PAIP1: variants seen among roughly 807,000 people sequenced by gnomAD.
PAIP1 encodes the protein polyadenylate-binding protein-interacting protein 1.
A neutral mutation model predicts 61.3 loss-of-function variants in PAIP1; 16 were observed. That is an observed-to-expected ratio of 0.26 (90% CI 0.18 to 0.40). PAIP1 has a LOEUF of 0.40. Ranked by LOEUF, PAIP1 falls within the 10% of genes least tolerant of loss-of-function variation. PAIP1 has a pLI of 1.00. For missense variants in PAIP1, 416 were observed against 600.9 expected, an observed-to-expected ratio of 0.69 and a Z score of 3.22; for synonymous variants, 187 against 226.2, an observed-to-expected ratio of 0.83 and a Z score of 1.56.
intron 4 of PAIP1, among the ~76,000 whole-genome samples, chr5:43,539,789 A>C (rs998570220): frequency 3.3e-5 from 5 of 152,222 alleles, no homozygotes; most frequent in African/African-American, 1.2e-4. Context: ...TAGGCACAAT[A>C]ATCCTGTCAC....
At position 43,548,395 on chromosome 5, in the gene PAIP1, GA is replaced by G. The variant is rs57478431; in HGVS notation, c.436-483del. On this transcript the variant is annotated intron_variant, in intron 2 of 10. Transcript: ENST00000306846. The stretch of plus-strand genomic sequence containing the variant: ...AAATGTTGACAACTTTTTTATTGGG[GA>G]AAAAAAAAACAAAAACAAAAACCTA... Among the ~76,000 whole-genome samples, 28 of 148,470 alleles carry G rather than the reference GA, an allele frequency of 1.9e-4. No individual in the cohort carries two copies. The South Asian group carries it at 4.7e-3, about 25-fold the overall frequency.
At chr5:43,537,674 G>C (rs76033796) in intron 5 of PAIP1, among the ~76,000 whole-genome samples, 2,198 of 152,120 alleles carry the variant, frequency 0.014, 33 homozygotes, top group Non-Finnish European at 0.025. Context: ...GAAGGTATAA[G>C]CTTATATCTG....
Position 43,547,882 on chromosome 5 carries a change from G to A in PAIP1, c.467C>T (p.Pro156Leu). 6.2e-7 allele frequency: 1 copy of A among 1,611,322 alleles called. No homozygotes were observed. The highest frequency in any genetic ancestry group is 8.5e-7 in the Non-Finnish European group (1 of 1,178,382). ...ESYEDGCEDY[P>L]TLSEYVQDFL... ...ATCCTGAACATATTCTGATAGAGTA[G>A]GATAATCCTCACAACCATCCTCATA... is the stretch of plus-strand genomic sequence containing the variant. Residue 156 changes from proline to leucine, a missense_variant, in exon 3 of 11, where the codon CCT becomes CTT. This residue lies in a region of PAIP1 where 180 missense variants were observed against 211.2 expected (regional missense o/e 0.85). Coordinates refer to ENST00000306846, the MANE Select transcript of PAIP1 (RefSeq NM_006451.5).
chr5:43,555,121 T>A (rs1267457595), intron 2 of PAIP1, among the ~76,000 whole-genome samples: 1 of 152,196 alleles, frequency 6.6e-6, no homozygotes, highest in Non-Finnish European at 1.5e-5. Context: ...CAAGAACAAC[T>A]GGAAGGAGAC....
In PAIP1 at chr5:43,534,968, T is replaced by C. The variant is rs1579909644; in HGVS notation, c.1082A>G (p.Asp361Gly). ...AAGCTTCAAGAGCATCTGTTTTACA[T>C]CTCTGTAGACAAAGTTGAAAATGAG... is the stretch of plus-strand genomic sequence containing the variant. ...NVVLDANCSR[D>G]VKQMLLKLVE... Residue 361 changes from aspartate to glycine, a missense_variant and splice_region_variant, in exon 8 of 11, where the codon GAT becomes GGT. By Grantham distance (94) the Asp-to-Gly change is moderately conservative (BLOSUM62 -1). This residue lies in a region of PAIP1 where 135 missense variants were observed against 283.9 expected (regional missense o/e 0.48). Transcript: ENST00000306846. 8.4e-6 allele frequency: 13 copies of C among 1,556,556 alleles called. No homozygotes were observed. Among genetic ancestry groups the C allele is most frequent in the Non-Finnish European group, 1.2e-5 (13 of 1,127,528 alleles).
intron 6 of PAIP1, 112 bp downstream of exon 6, chr5:43,536,707 A>G: frequency 2.0e-6 from 1 of 504,980 alleles, no homozygotes; most frequent in South Asian, 4.6e-5. Context: ...TAAAATGTCA[A>G]TATTTACCTT....
At chr5:43,553,374 G>A (rs1747938557) in intron 2 of PAIP1, among the ~76,000 whole-genome samples, 1 of 152,146 alleles carries the variant, frequency 6.6e-6, no homozygotes, top group Non-Finnish European at 1.5e-5. Context: ...CCAGGAAATA[G>A]ATTTTCATGT....
chr5:43,548,476 G>C (rs151068171), intron 2 of PAIP1, among the ~76,000 whole-genome samples: 1 of 152,068 alleles, frequency 6.6e-6, no homozygotes. Context: ...AAAGCTGCTC[G>C]AGTAACTAAA....
intron 7 of PAIP1, 129 bp downstream of exon 7, chr5:43,535,402 AAAG>A (rs977052763): frequency 3.1e-6 from 2 of 646,046 alleles, no homozygotes; most frequent in African/African-American, 3.8e-5. Flanking sequence ...TTATTCCTTT[AAAG>A]AAAAGCATTT....
At chr5:43,549,664 C>T (rs1747787388) in intron 2 of PAIP1, among the ~76,000 whole-genome samples, 1 of 152,096 alleles carries the variant, frequency 6.6e-6, no homozygotes, top group Admixed American at 6.5e-5. Context: ...ATAGTGCTAC[C>T]ACTTCAAATA....
intron 2 of PAIP1, among the ~76,000 whole-genome samples, chr5:43,553,237 G>A (rs1747931754): frequency 6.6e-6 from 1 of 152,176 alleles, no homozygotes; most frequent in African/African-American, 2.4e-5. Flanking sequence ...CTGGTAAGAA[G>A]ACATGGAAAG....
chr5:43,537,767 G>A (rs1747211087), intron 5 of PAIP1, among the ~76,000 whole-genome samples: 1 of 152,000 alleles, frequency 6.6e-6, no homozygotes, highest in African/African-American at 2.4e-5. Context: ...AGGCTGAGGC[G>A]GGTAGCACCT....
intron 2 of PAIP1, 71 bp from the exon 3 acceptor site, chr5:43,547,984 T>C: frequency 1.1e-6 from 1 of 893,946 alleles, no homozygotes; most frequent in African/African-American, 1.7e-5. Flanking sequence ...GGTATGTCTC[T>C]AGCACAAATG....
Position 43,547,860 on chromosome 5 carries a change from C to T in PAIP1, c.489G>A (p.Gln163=), listed in dbSNP as rs1747705864. ...GCTCTGTAAGATGATTCAAAAAATC[C>T]TGAACATATTCTGATAGAGTAGGAT... ...EDYPTLSEYV[Q]DFLNHLTEQP... Residue 163 remains glutamine, a synonymous_variant, in exon 3 of 11, where the codon CAG becomes CAA. Transcript: ENST00000306846. 6.2e-7 allele frequency: 1 copy of T among 1,612,506 alleles called. No individual in the cohort carries two copies.
At chr5:43,535,015 C>A in intron 7 of PAIP1, 45 bp from the exon 8 acceptor site, 1 of 975,868 alleles carries the variant, frequency 1.0e-6, no homozygotes, top group Non-Finnish European at 1.6e-6. Context: ...ACCATAAGGG[C>A]TGTCAGACCC....
At chr5:43,543,310 C>CAAAAAAAAAAAA (rs11427976) in intron 3 of PAIP1, among the ~76,000 whole-genome samples, 194 bp from the exon 4 acceptor site, 70 of 95,554 alleles carry the variant, frequency 7.3e-4, no homozygotes, top group East Asian at 9.3e-4. Context: ...ACAATAAGTA[C>CAAAAAAAAAAAA]AAAAAAAAAA....
chr5:43,529,998 A>G (rs1311799915), intron 9 of PAIP1, 119 bp from the exon 10 acceptor site: 3 of 633,424 alleles, frequency 4.7e-6, no homozygotes, highest in Admixed American at 5.4e-5. Context: ...CAGAAATCTT[A>G]AAGTAATTAC....
chr5:43,542,964 T>A, intron 4 of PAIP1, 40 bp downstream of exon 4: 1 of 1,030,956 alleles, frequency 9.7e-7, no homozygotes. Context: ...TTCTAGTATA[T>A]TTAGAAGTAG....
chr5:43,535,321 T>G (rs1747099104), intron 7 of PAIP1, among the ~76,000 whole-genome samples: 1 of 152,210 alleles, frequency 6.6e-6, no homozygotes, highest in Non-Finnish European at 1.5e-5. Flanking sequence ...AATTTCTAAA[T>G]GTAATTGAGC....
Sources: allele counts gnomAD v4.1 joint callset (sites outside exome capture counted in the v4.1 genomes callset), GRCh38; gene constraint gnomAD v4.1.1; regional missense constraint gnomAD v4.1.1; transcripts MANE v1.5; gene names NCBI Gene and HGNC (gene_info 2026-07-23, HGNC 2026-07-21).